The following KLF6 variants were observed in gnomAD, a reference collection of about 807,000 sequenced individuals.
The protein encoded by KLF6 is Krueppel-like factor 6.
For synonymous variants in KLF6, 152 were observed against 147.9 expected (o/e 1.03, Z -0.20); for missense variants, 233 against 359.8 (o/e 0.65, Z 2.85).
At position 3,781,129 on chromosome 10, in the gene KLF6, A is replaced by G; in HGVS notation, c.676+512T>C. 4.5e-6 allele frequency: 1 copy of G among 222,466 alleles called. No homozygotes were observed. Among genetic ancestry groups the G allele is most frequent in the Admixed American group, 5.3e-5 (1 of 18,970 alleles). 13.8% of individuals were successfully genotyped at this position (222,466 alleles called of 1,614,324 possible). On this transcript the variant is annotated intron_variant, in intron 2 of 3. Transcript: ENST00000497571. This position sits in a 1 kb window ranked among gnomAD's most constrained non-coding sequence, Gnocchi z 5.8. ...ATCAGAAACAAAGGCTGCATGAGAC[A>G]CGGAGAAGTTCTCAGGAAACACTCG...
In KLF6 at chr10:3,777,213, T is replaced by C. The variant is rs1453677869; in HGVS notation, c.*2326A>G. On this transcript the variant is annotated 3_prime_UTR_variant, in exon 4 of 4. Transcript: ENST00000497571. ...AAATACCAGCCCAGCCAGACTCACA[T>C]GTGTGTATATATATATAAAGCAAAG... The C allele has an allele frequency of 1.9e-6, 1 of 516,906 alleles. No homozygotes were observed. The highest frequency in any genetic ancestry group is 3.8e-6 in the Non-Finnish European group (1 of 265,522). 32.0% of individuals were successfully genotyped at this position (516,906 alleles called of 1,614,324 possible).
chr10:3,781,534 T>C lies in KLF6; in HGVS notation c.676+107A>G, dbSNP rs1832518561. On this transcript the variant is annotated intron_variant, in intron 2 of 3. Transcript: ENST00000497571. This position sits in a 1 kb window ranked among gnomAD's most constrained non-coding sequence, Gnocchi z 5.8. Reference sequence around the variant, plus strand: ...AAACATCTGAGGAAGTGAGGATTTGTCTGCCCTGACCACATCCTGTGCAGC... The same window carrying C: ...AAACATCTGAGGAAGTGAGGATTTGCCTGCCCTGACCACATCCTGTGCAGC... 6.4e-7 allele frequency: 1 copy of C among 1,559,868 alleles called. No homozygotes were observed. The highest frequency in any genetic ancestry group is 2.4e-5 in the East Asian group (1 of 41,316).
At chr10:3,783,434 C>T (rs1832575426) in intron 1 of KLF6, among the ~76,000 whole-genome samples, 1 of 152,170 alleles carries the variant, frequency 6.6e-6, no homozygotes, top group Non-Finnish European at 1.5e-5. Context: ...CTCTGGTGAG[C>T]ACGTCATTTT....
In KLF6 at chr10:3,780,011, C is replaced by T; in HGVS notation, c.800+95G>A. 6 of 1,491,228 alleles carry T rather than the reference C, an allele frequency of 4.0e-6. No homozygotes were observed. Among genetic ancestry groups the T allele is most frequent in the Middle Eastern group, 1.8e-4 (1 of 5,434 alleles). The allele number at this position is 1,491,228 out of a possible 1,614,324, so 92.4% of individuals were successfully genotyped here. A position where few individuals can be genotyped will look rare whatever the true frequency, so the allele number is the denominator to read the frequency against. ...TGTTCACACATAGGAAACTGCATGC[C>T]TTCCTTCGAATGTGCCCTGCACACC... On this transcript the variant is annotated intron_variant, in intron 3 of 3. Transcript: ENST00000497571. This position sits in a 1 kb window ranked among gnomAD's most constrained non-coding sequence, Gnocchi z 4.6.
In KLF6 at chr10:3,785,102, G is replaced by A. The variant is rs1361089079; in HGVS notation, c.-88C>T. The A allele has an allele frequency of 8.2e-6, 13 of 1,587,374 alleles. No individual in the cohort carries two copies. The highest frequency in any genetic ancestry group is 1.3e-5 in the African/African-American group (1 of 74,418). ...AGCCGAAAGTCTCCCCGGAGCGCAG[G>A]TGAAAGTTTCATGCAAACTCCAGGC... On this transcript the variant is annotated 5_prime_UTR_variant, in exon 1 of 4. Transcript: ENST00000497571.
rs559962909 is a variant in KLF6 at position 3,777,225 on chromosome 10, T to C, written c.*2314A>G. The C allele has an allele frequency of 3.9e-6, 2 of 515,718 alleles. No individual in the cohort carries two copies. Among genetic ancestry groups the C allele is most frequent in the South Asian group, 3.1e-5 (2 of 64,412 alleles). The allele number at this position is 515,718 out of a possible 1,614,324, so 31.9% of individuals were successfully genotyped here. A position where few individuals can be genotyped will look rare whatever the true frequency, so the allele number is the denominator to read the frequency against. On this transcript the variant is annotated 3_prime_UTR_variant, in exon 4 of 4. Coordinates refer to ENST00000497571, the MANE Select transcript of KLF6 (RefSeq NM_001300.6). ...AGCCAGACTCACATGTGTGTATATA[T>C]ATATAAAGCAAAGAGCCACACCCAC...
chr10:3,781,638 G>C lies in KLF6; in HGVS notation c.676+3C>G. On this transcript the variant is annotated splice_donor_region_variant and intron_variant, in intron 2 of 3. Coordinates refer to ENST00000497571, the MANE Select transcript of KLF6 (RefSeq NM_001300.6). This position sits in a 1 kb window ranked among gnomAD's most constrained non-coding sequence, Gnocchi z 5.8. ...GCCCTCCGGGGCCCGCGTGGGCACTGACCTGTGTGCGTCCGCTGGTGTGCT... is the reference window on the plus strand; with the variant it reads ...GCCCTCCGGGGCCCGCGTGGGCACTCACCTGTGTGCGTCCGCTGGTGTGCT... 6.2e-7 allele frequency: 1 copy of C among 1,612,820 alleles called. No homozygotes were observed. Among genetic ancestry groups the C allele is most frequent in the Non-Finnish European group, 8.5e-7 (1 of 1,179,338 alleles).
rs1832424076 is a variant in KLF6 at position 3,777,742 on chromosome 10, A to G, written c.*1797T>C. ...GTTTCTCCTTAAAAAAAATATTTAT[A>G]TATTATCTATATATATAATATATAT... On this transcript the variant is annotated 3_prime_UTR_variant, in exon 4 of 4. Transcript: ENST00000497571. The G allele has an allele frequency of 6.6e-6, 2 of 304,848 alleles. No individual in the cohort carries two copies. Among genetic ancestry groups the G allele is most frequent in the African/African-American group, 2.3e-5 (1 of 43,552 alleles). The allele number at this position is 304,848 out of a possible 1,614,324, so 18.9% of individuals were successfully genotyped here.
chr10:3,776,303 G>C lies in KLF6; in HGVS notation c.*3236C>G, dbSNP rs891942915. On this transcript the variant is annotated 3_prime_UTR_variant, in exon 4 of 4. Coordinates refer to ENST00000497571, the MANE Select transcript of KLF6 (RefSeq NM_001300.6). ...GGCATGGTTCCCTACTGTGCCCACA[G>C]CCGGGGGGTTGTTTTTGTCAGTCCT... 3.8e-6 allele frequency: 2 copies of C among 533,172 alleles called. No homozygotes were observed. Among genetic ancestry groups the C allele is most frequent in the African/African-American group, 1.9e-5 (1 of 53,790 alleles). 33.0% of individuals were successfully genotyped at this position (533,172 alleles called of 1,614,324 possible).
At position 3,781,513 on chromosome 10, in the gene KLF6, A is replaced by C. The variant is rs1324818957; in HGVS notation, c.676+128T>G. 7 of 1,553,486 alleles carry C rather than the reference A, an allele frequency of 4.5e-6. No homozygotes were observed. Among genetic ancestry groups the C allele is most frequent in the Non-Finnish European group, 6.1e-6 (7 of 1,148,270 alleles). On this transcript the variant is annotated intron_variant, in intron 2 of 3. Transcript: ENST00000497571. This position sits in a 1 kb window ranked among gnomAD's most constrained non-coding sequence, Gnocchi z 5.8. ...AAGACCTAATGCTTTGGTGGAAAAC[A>C]TCTGAGGAAGTGAGGATTTGTCTGC...
rs745332258 is a variant in KLF6, at chr10:3,776,221, C to T, written c.*3318G>A. ...GTGGCAGGGAAACACTCAAGTTTGTCGTTGTGCAGGTGCCTCTGCAATGCA... is the reference window on the plus strand; with the variant it reads ...GTGGCAGGGAAACACTCAAGTTTGTTGTTGTGCAGGTGCCTCTGCAATGCA... On this transcript the variant is annotated 3_prime_UTR_variant, in exon 4 of 4. Coordinates refer to ENST00000497571, the MANE Select transcript of KLF6 (RefSeq NM_001300.6). The T allele has an allele frequency of 3.9e-5, 21 of 532,222 alleles. No homozygotes were observed. The highest frequency in any genetic ancestry group is 1.3e-4 in the Admixed American group (6 of 44,898). 33.0% of individuals were successfully genotyped at this position (532,222 alleles called of 1,614,324 possible). A position where few individuals can be genotyped will look rare whatever the true frequency, so the allele number is the denominator to read the frequency against.
Position 3,780,286 on chromosome 10 carries a change from G to A in KLF6, c.677-57C>T. 6.2e-7 allele frequency: 1 copy of A among 1,605,846 alleles called. No homozygotes were observed. The highest frequency in any genetic ancestry group is 1.3e-5 in the African/African-American group (1 of 75,010). The stretch of plus-strand genomic sequence containing the variant: ...GACTTCACTGACCCGCAGACGGAAA[G>A]GGGAAATTCAACAACACACACAGTG... On this transcript the variant is annotated intron_variant, in intron 2 of 3. Transcript: ENST00000497571. This position sits in a 1 kb window ranked among gnomAD's most constrained non-coding sequence, Gnocchi z 4.6.
Position 3,781,407 on chromosome 10 carries a change from C to G in KLF6, c.676+234G>C, listed in dbSNP as rs997753969. On this transcript the variant is annotated intron_variant, in intron 2 of 3. Transcript: ENST00000497571. The surrounding 1 kb of genome is among the most constrained non-coding windows in gnomAD (Gnocchi z 5.8). ...GTCCGTGGAGAAAAGGATCTAGTCT[C>G]TTGTTTGTTTAATCTGAAAATTGTT... 20 of 1,492,806 alleles carry G rather than the reference C, an allele frequency of 1.3e-5. No homozygotes were observed. The highest frequency in any genetic ancestry group is 1.9e-4 in the Middle Eastern group (1 of 5,152). The allele number at this position is 1,492,806 out of a possible 1,614,324, so 92.5% of individuals were successfully genotyped here. A position where few individuals can be genotyped will look rare whatever the true frequency, so the allele number is the denominator to read the frequency against.
rs755089147 is a variant in KLF6, at chr10:3,776,919, G to GT, written c.*2619dup. 5,887 of 408,008 alleles carry GT rather than the reference G, an allele frequency of 0.014. 34 individuals are homozygous for GT. The highest frequency in any genetic ancestry group is 0.041 in the African/African-American group (1,873 of 45,830). 25.3% of individuals were successfully genotyped at this position (408,008 alleles called of 1,614,324 possible). On this transcript the variant is annotated 3_prime_UTR_variant, in exon 4 of 4. Transcript: ENST00000497571. ...TCGTAAGTGAGACAAGCCAGTGCAA[G>GT]TTTTTTTTTTTCCTTTTTTTTTTTT...
At position 3,778,268 on chromosome 10, in the gene KLF6, C is replaced by T. The variant is rs1263294088; in HGVS notation, c.*1271G>A. On this transcript the variant is annotated 3_prime_UTR_variant, in exon 4 of 4. Transcript: ENST00000497571. ...CCCACACCCCTGTATGAGACCCCCACAGAAGGGATCGCTTGCGTAAGGCAC... is the reference window on the plus strand; with the variant it reads ...CCCACACCCCTGTATGAGACCCCCATAGAAGGGATCGCTTGCGTAAGGCAC... The T allele has an allele frequency of 5.7e-6, 3 of 527,100 alleles. No individual in the cohort carries two copies. The highest frequency in any genetic ancestry group is 5.6e-5 in the African/African-American group (3 of 53,370). 32.7% of individuals were successfully genotyped at this position (527,100 alleles called of 1,614,324 possible).
rs1373132985 is a variant in KLF6 at position 3,781,783 on chromosome 10, C to T, written c.534G>A (p.Gly178=). ...ELPSPGKVRS[G]TSGKPGDKGN... ...CCTTGTCACCTGGCTTCCCCGAAGT[C>T]CCGCTGCGCACCTTCCCTGGCGAGG... Residue 178 remains glycine (G), a synonymous_variant, in exon 2 of 4, where the codon GGG becomes GGA. Transcript: ENST00000497571. The surrounding 1 kb of genome is among the most constrained non-coding windows in gnomAD (Gnocchi z 5.8). 3 of 1,614,136 alleles carry T rather than the reference C, an allele frequency of 1.9e-6. No individual in the cohort carries two copies. Among genetic ancestry groups the T allele is most frequent in the Non-Finnish European group, 2.5e-6 (3 of 1,180,058 alleles).
Position 3,781,421 on chromosome 10 carries a change from C to A in KLF6, c.676+220G>T. On this transcript the variant is annotated intron_variant, in intron 2 of 3. Transcript: ENST00000497571. This position sits in a 1 kb window ranked among gnomAD's most constrained non-coding sequence, Gnocchi z 5.8. ...GGATCTAGTCTCTTGTTTGTTTAAT[C>A]TGAAAATTGTTACACATTTATCCAA... 6.6e-7 allele frequency: 1 copy of A among 1,506,784 alleles called. No homozygotes were observed. Among genetic ancestry groups the A allele is most frequent in the Non-Finnish European group, 8.9e-7 (1 of 1,125,814 alleles). 93.3% of individuals were successfully genotyped at this position (1,506,784 alleles called of 1,614,324 possible).
rs1477637332 is a variant in KLF6, at chr10:3,777,599, GTTAAA to G, written c.*1935_*1939del. ...CAAGCAAGAAAGTCCTCCGCACATCGTTAAATTAAAGATAAAGCCTCTATAAAAGT... is the reference window on the plus strand; with the variant it reads ...CAAGCAAGAAAGTCCTCCGCACATCGTTAAAGATAAAGCCTCTATAAAAGT... On this transcript the variant is annotated 3_prime_UTR_variant, in exon 4 of 4. Coordinates refer to ENST00000497571, the MANE Select transcript of KLF6 (RefSeq NM_001300.6). The G allele has an allele frequency of 2.6e-5, 13 of 508,668 alleles. No homozygotes were observed. Among genetic ancestry groups the G allele is most frequent in the Admixed American group, 6.8e-5 (3 of 44,058 alleles). 31.5% of individuals were successfully genotyped at this position (508,668 alleles called of 1,614,324 possible).
rs529138425 is a variant in KLF6, at chr10:3,776,356, G to A, written c.*3183C>T. The A allele has an allele frequency of 2.5e-4, 132 of 532,516 alleles. No individual in the cohort carries two copies. Among genetic ancestry groups the A allele is most frequent in the Non-Finnish European group, 4.5e-4 (124 of 275,282 alleles). 33.0% of individuals were successfully genotyped at this position (532,516 alleles called of 1,614,324 possible). Reference sequence around the variant, plus strand: ...GAGAAGAGTATTTGATGCATTCAGGGAGGGCAATGTCAGGCTCGCTGACAT... The same window carrying A: ...GAGAAGAGTATTTGATGCATTCAGGAAGGGCAATGTCAGGCTCGCTGACAT... On this transcript the variant is annotated 3_prime_UTR_variant, in exon 4 of 4. Coordinates refer to ENST00000497571, the MANE Select transcript of KLF6 (RefSeq NM_001300.6).
Sources: allele counts gnomAD v4.1 joint callset (sites outside exome capture counted in the v4.1 genomes callset), GRCh38; gene constraint gnomAD v4.1.1; non-coding constraint Gnocchi (gnomAD v3.1); transcripts MANE v1.5; gene names NCBI Gene and HGNC (gene_info 2026-07-23, HGNC 2026-07-21).